NEDD9: variants seen among roughly 807,000 people sequenced by gnomAD.
The protein encoded by NEDD9 is neural precursor cell expressed, developmentally down-regulated 9, also known as enhancer of filamentation 1.
A neutral mutation model predicts 76.6 loss-of-function variants in NEDD9; 26 were observed. That is an observed-to-expected ratio of 0.34 (90% confidence interval 0.25 to 0.47). The LOEUF is 0.47. Ranked by LOEUF, NEDD9 falls within the 20% of genes least tolerant of loss-of-function variation. The pLI is 1.00. For synonymous variants in NEDD9, 392 were observed against 414.2 expected (o/e 0.95, Z 0.65); for missense variants, 937 against 1,058.5 (o/e 0.89, Z 1.59).
intron 1 of NEDD9, among the ~76,000 whole-genome samples, chr6:11,346,944 C>G (rs180887091): frequency 7.2e-5 from 11 of 152,112 alleles, no homozygotes; most frequent in Non-Finnish European, 1.0e-4. Context: ...TTACCTGCTC[C>G]CCAAACTCCA....
intron 2 of NEDD9, among the ~76,000 whole-genome samples, chr6:11,209,336 C>G (rs1561789016): frequency 4.6e-5 from 7 of 152,112 alleles, no homozygotes; most frequent in Admixed American, 2.6e-4. Flanking sequence ...GTGAAAAAGA[C>G]CAATGAAATT....
intron 1 of NEDD9, among the ~76,000 whole-genome samples, chr6:11,355,111 C>T (rs951787752): frequency 6.6e-6 from 1 of 152,166 alleles, no homozygotes; most frequent in African/African-American, 2.4e-5. Context: ...AAACATCACA[C>T]AAATATATGG....
At chr6:11,293,372 A>G (rs1760820471) in intron 3 of NEDD9, among the ~76,000 whole-genome samples, 1 of 152,202 alleles carries the variant, frequency 6.6e-6, no homozygotes, top group Non-Finnish European at 1.5e-5. Flanking sequence ...AACCCATGTT[A>G]GCAGCCCAGG....
chr6:11,348,337 T>C lies in NEDD9; in HGVS notation c.-213-13776A>G, dbSNP rs117919269. On this transcript the variant is annotated intron_variant, in intron 1 of 3. Coordinates refer to the NEDD9 transcript ENST00000397378. ...TCATAGATAGAAAGAATCAACATCATTAAAATGGACATACTGCCCAAAGCA... is the reference window on the plus strand; with the variant it reads ...TCATAGATAGAAAGAATCAACATCACTAAAATGGACATACTGCCCAAAGCA... Among the ~76,000 whole-genome samples, 841 of 152,260 alleles carry C rather than the reference T, an allele frequency of 5.5e-3. 19 individuals carry two copies. In the East Asian group the frequency reaches 0.082, roughly 15 times the overall value.
intron 2 of NEDD9, among the ~76,000 whole-genome samples, chr6:11,196,289 G>T (rs1385384279): frequency 6.6e-6 from 1 of 152,142 alleles, no homozygotes; most frequent in Non-Finnish European, 1.5e-5. Context: ...GGGTGACAGA[G>T]AGAGACTCTG....
intron 2 of NEDD9, chr6:11,200,544 CTT>C: frequency 9.2e-7 from 1 of 1,088,892 alleles, no homozygotes; most frequent in Non-Finnish European, 1.1e-6. Context: ...TTATGTATGT[CTT>C]AGTAATCACA....
chr6:11,358,871 T>C (rs1240146368), intron 1 of NEDD9, among the ~76,000 whole-genome samples: 1 of 152,136 alleles, frequency 6.6e-6, no homozygotes, highest in East Asian at 1.9e-4. Flanking sequence ...GGGGCTAAGA[T>C]CACACCATCG....
chr6:11,241,319 C>CTGGCATACACTTTCTA lies in NEDD9; in HGVS notation c.13-27608_13-27593dup, dbSNP rs1390874966. ...CATTTGAAAAGTCTTCCTGACTTCT[C>CTGGCATACACTTTCTA]TGGCATACACTTTCTATGTGATGTC... On this transcript the variant is annotated intron_variant, in intron 3 of 3. Transcript: ENST00000397378. The surrounding 1 kb of genome is among the most constrained non-coding windows in gnomAD (Gnocchi z 4.0). 6.6e-6 allele frequency among the ~76,000 whole-genome samples: 1 copy of CTGGCATACACTTTCTA among 152,236 alleles called. No homozygotes were observed. Among genetic ancestry groups the CTGGCATACACTTTCTA allele is most frequent in the Non-Finnish European group, 1.5e-5 (1 of 68,046 alleles).
intron 1 of NEDD9, among the ~76,000 whole-genome samples, chr6:11,337,461 A>G (rs1293800235): frequency 6.6e-6 from 1 of 152,230 alleles, no homozygotes; most frequent in African/African-American, 2.4e-5. Flanking sequence ...CAGCATCACC[A>G]CAAACATGTG....
intron 3 of NEDD9, among the ~76,000 whole-genome samples, chr6:11,279,172 G>A (rs975363196): frequency 2.6e-5 from 4 of 152,200 alleles, no homozygotes; most frequent in African/African-American, 9.7e-5. Flanking sequence ...GTGAACTTGA[G>A]CTATCTGGAA....
chr6:11,321,796 G>A (rs1239065898), intron 2 of NEDD9, among the ~76,000 whole-genome samples: 2 of 152,134 alleles, frequency 1.3e-5, no homozygotes, highest in Admixed American at 1.3e-4. Flanking sequence ...ATCTAGCCAG[G>A]GGAGACAAAC....
At chr6:11,343,697 T>C (rs377363498) in intron 1 of NEDD9, among the ~76,000 whole-genome samples, 124 of 152,318 alleles carry the variant, frequency 8.1e-4, no homozygotes, top group East Asian at 4.8e-3. Context: ...TAAAGGAATA[T>C]ATGAATGAAT....
chr6:11,290,267 G>A (rs1051677557), intron 3 of NEDD9, among the ~76,000 whole-genome samples: 2 of 152,142 alleles, frequency 1.3e-5, no homozygotes, highest in Non-Finnish European at 2.9e-5. Flanking sequence ...GAGCCACAGC[G>A]ACGCTTGCAA....
intron 1 of NEDD9, among the ~76,000 whole-genome samples, chr6:11,216,531 A>G (rs1312349263): frequency 6.6e-6 from 1 of 152,236 alleles, no homozygotes; most frequent in Non-Finnish European, 1.5e-5. Flanking sequence ...ACTTTAAGCT[A>G]CCTTAGCTCA....
chr6:11,363,783 G>A (rs1762717415), intron 1 of NEDD9, among the ~76,000 whole-genome samples: 1 of 149,712 alleles, frequency 6.7e-6, no homozygotes, highest in Non-Finnish European at 1.5e-5. Flanking sequence ...GTTCCATTTT[G>A]ACTGTGTAGT....
At chr6:11,254,739 C>T (rs934931221) in intron 3 of NEDD9, among the ~76,000 whole-genome samples, 2 of 152,154 alleles carry the variant, frequency 1.3e-5, no homozygotes, top group Non-Finnish European at 2.9e-5. Context: ...AATTAGAAAA[C>T]TCTCACAGCA....
rs557025686 is a variant in NEDD9 at position 11,313,820 on chromosome 6, G to A, written c.-152-7665C>T. Among the ~76,000 whole-genome samples the A allele has an allele frequency of 2.7e-3, 414 of 152,076 alleles. 5 individuals are homozygous for A. Among genetic ancestry groups the A allele is most frequent in the Non-Finnish European group, 5.7e-4 (39 of 67,980 alleles). ...ATTCTTTTATTATTTTGGAAGTCACGGTAATATTTGTTTTTAAAAATTGTT... is the reference window on the plus strand; with the variant it reads ...ATTCTTTTATTATTTTGGAAGTCACAGTAATATTTGTTTTTAAAAATTGTT... On this transcript the variant is annotated intron_variant, in intron 2 of 3. Transcript: ENST00000397378.
chr6:11,277,009 C>T (rs1760431751), intron 3 of NEDD9, among the ~76,000 whole-genome samples: 1 of 152,124 alleles, frequency 6.6e-6, no homozygotes, highest in African/African-American at 2.4e-5. Flanking sequence ...GCAGAGTTTC[C>T]AAGGCAGCGA....
chr6:11,349,187 A>C (rs1316277587), intron 1 of NEDD9, among the ~76,000 whole-genome samples: 1 of 152,226 alleles, frequency 6.6e-6, no homozygotes, highest in African/African-American at 2.4e-5. Context: ...GCCACTAATC[A>C]TTAGAGAAAG....
Sources: gnomAD v4.1 joint callset for allele counts (sites outside exome capture counted in the v4.1 genomes callset) on GRCh38, gnomAD v4.1.1 for gene constraint, Gnocchi (gnomAD v3.1) non-coding constraint, MANE v1.5 for transcripts, NCBI Gene and HGNC (gene_info 2026-07-23, HGNC 2026-07-21) for gene names.